Variants in PHTF2 observed in about 807,000 individuals in gnomAD.
The protein encoded by PHTF2 is protein PHTF2.
In PHTF2, 60 loss-of-function variants were observed where a neutral mutation model predicts 101.2. That is an observed-to-expected ratio of 0.59 (90% CI 0.48 to 0.73). The LOEUF is 0.73. Among genes scored for constraint, PHTF2 ranks in the 30% least tolerant of loss-of-function variants. The probability of loss-of-function intolerance (pLI) is 0.00; values close to 1 mark genes in which losing one functional copy is unlikely to be tolerated. For synonymous variants in PHTF2, 311 were observed against 307.3 expected (o/e 1.01, Z -0.13); for missense variants, 747 against 908.7 (o/e 0.82, Z 2.29).
At chr7:77,907,134 G>T (rs1335469136) in intron 7 of PHTF2, among the ~76,000 whole-genome samples, 2 of 152,030 alleles carry the variant, frequency 1.3e-5, no homozygotes, top group Admixed American at 6.6e-5. Flanking sequence ...CTTGATAAAA[G>T]TCACATTAGA....
intron 6 of PHTF2, among the ~76,000 whole-genome samples, chr7:77,901,045 C>T (rs1562930494): frequency 6.6e-6 from 1 of 152,164 alleles, no homozygotes; most frequent in African/African-American, 2.4e-5. Flanking sequence ...ATGGCCAGAG[C>T]AGGAGCCAGA....
At chr7:77,937,879 C>T in intron 13 of PHTF2, 41 bp downstream of exon 12, 3 of 1,092,380 alleles carry the variant, frequency 2.7e-6, no homozygotes, top group Non-Finnish European at 3.8e-6. Context: ...AAGGGTAAGA[C>T]TTAGTAATTA....
At chr7:77,819,515 A>G (rs749935278) in intron 1 of PHTF2, among the ~76,000 whole-genome samples, 29 of 152,000 alleles carry the variant, frequency 1.9e-4, no homozygotes, top group Middle Eastern at 3.2e-3. Context: ...CTTTTATTCT[A>G]TTGGTGTGAT....
At chr7:77,819,514 T>C (rs1195832937) in intron 1 of PHTF2, among the ~76,000 whole-genome samples, 1 of 152,250 alleles carries the variant, frequency 6.6e-6, no homozygotes, top group African/African-American at 2.4e-5. Context: ...TCTTTTATTC[T>C]ATTGGTGTGA....
At chr7:77,900,370 A>G (rs963812869) in intron 5 of PHTF2, among the ~76,000 whole-genome samples, 10 of 152,170 alleles carry the variant, frequency 6.6e-5, no homozygotes, top group African/African-American at 2.4e-4. Context: ...GCTAGCCTCA[A>G]CGCTCTCCAA....
At chr7:77,820,548 G>GTA (rs564172038) in intron 1 of PHTF2, among the ~76,000 whole-genome samples, 160 of 151,788 alleles carry the variant, frequency 1.1e-3, no homozygotes, top group African/African-American at 3.7e-3. Flanking sequence ...GTGTGTTTGT[G>GTA]TATACGTATA....
At chr7:77,951,960 C>T (rs977018804) in intron 18 of PHTF2, among the ~76,000 whole-genome samples, 3 of 151,958 alleles carry the variant, frequency 2.0e-5, no homozygotes, top group Non-Finnish European at 2.9e-5. Flanking sequence ...TAGAGGTTGG[C>T]ATCTTTGGAA....
intron 5 of PHTF2, among the ~76,000 whole-genome samples, chr7:77,896,385 A>G (rs1334497021): frequency 6.6e-6 from 1 of 151,792 alleles, no homozygotes; most frequent in Non-Finnish European, 1.5e-5. Context: ...GTGAGACACT[A>G]TCTCTAAAAA....
intron 5 of PHTF2, among the ~76,000 whole-genome samples, chr7:77,899,610 G>T (rs1024760708): frequency 2.6e-5 from 4 of 152,110 alleles, no homozygotes; most frequent in African/African-American, 9.7e-5. Flanking sequence ...AAGATTAATT[G>T]CATATTGGTT....
At chr7:77,840,453 A>T (rs545345977) in intron 2 of PHTF2, among the ~76,000 whole-genome samples, 153 bp downstream of exon 2, 1 of 152,352 alleles carries the variant, frequency 6.6e-6, no homozygotes, top group South Asian at 2.1e-4. Context: ...AATTGGAAAG[A>T]TGATGCTTAA....
At chr7:77,939,807 C>T (rs1805489272) in intron 13 of PHTF2, among the ~76,000 whole-genome samples, 1 of 151,820 alleles carries the variant, frequency 6.6e-6, no homozygotes, top group Non-Finnish European at 1.5e-5. Flanking sequence ...AGTCCTTTTG[C>T]CATCTACTTA....
At chr7:77,951,769 TA>T (rs1806568914) in intron 18 of PHTF2, 57 bp downstream of exon 17, 5 of 752,398 alleles carry the variant, frequency 6.6e-6, no homozygotes, top group Non-Finnish European at 8.6e-6. Context: ...GACATAATTT[TA>T]TTTTTTTGTT....
chr7:77,837,891 G>A (rs1526748), intron 1 of PHTF2, among the ~76,000 whole-genome samples: 88,582 of 151,834 alleles, frequency 0.58, 28,112 homozygotes, highest in African/African-American at 0.85. Context: ...ATCCTTTCAC[G>A]TTTTGTGTAT....
At chr7:77,844,230 G>C (rs1796101083) in intron 2 of PHTF2, among the ~76,000 whole-genome samples, 1 of 152,056 alleles carries the variant, frequency 6.6e-6, no homozygotes, top group Non-Finnish European at 1.5e-5. Flanking sequence ...CTGGCCTCAA[G>C]CGATCCTCCT....
chr7:77,888,882 A>G (rs907690798), intron 3 of PHTF2, among the ~76,000 whole-genome samples: 4 of 152,192 alleles, frequency 2.6e-5, no homozygotes, highest in African/African-American at 7.2e-5. Flanking sequence ...TAAGAGGGAT[A>G]CAGTAACAAT....
intron 7 of PHTF2, among the ~76,000 whole-genome samples, chr7:77,902,340 G>A (rs1177130560): frequency 5.3e-5 from 8 of 151,700 alleles, no homozygotes; most frequent in Admixed American, 2.6e-4. Context: ...TCTGTATACC[G>A]TGCACTCTGC....
At chr7:77,800,043 G>A (rs1177891422) in intron 1 of PHTF2, among the ~76,000 whole-genome samples, 1 of 151,358 alleles carries the variant, frequency 6.6e-6, no homozygotes, top group Non-Finnish European at 1.5e-5. Context: ...CTTAGTATTT[G>A]ATCTTGTTTT....
chr7:77,872,696 G>C (rs537761840), intron 3 of PHTF2, among the ~76,000 whole-genome samples: 1 of 152,190 alleles, frequency 6.6e-6, no homozygotes, highest in Non-Finnish European at 1.5e-5. Context: ...AGAGATGCAG[G>C]TGCTGCCCTC....
At chr7:77,822,734 C>T (rs1794389760) in intron 1 of PHTF2, among the ~76,000 whole-genome samples, 1 of 152,058 alleles carries the variant, frequency 6.6e-6, no homozygotes, top group South Asian at 2.1e-4. Context: ...AATCTCATCA[C>T]GTGCATCTCC....
Sources: allele counts gnomAD v4.1 joint callset (sites outside exome capture counted in the v4.1 genomes callset), GRCh38; gene constraint gnomAD v4.1.1; transcripts MANE v1.5; gene names NCBI Gene and HGNC (gene_info 2026-07-23, HGNC 2026-07-21).